Variants in DCAF1 observed in about 807,000 individuals in gnomAD.
DCAF1 encodes DDB1 and CUL4 associated factor 1, also known as DDB1- and CUL4-associated factor 1.
In DCAF1, 15 loss-of-function variants were observed where a neutral mutation model predicts 128.0. The ratio of observed to expected loss-of-function variants is 0.12; its 90% confidence interval spans 0.08 to 0.18. The LOEUF (loss-of-function observed/expected upper bound fraction) is 0.18. Ranked by LOEUF, DCAF1 falls within the 10% of genes least tolerant of loss-of-function variation. DCAF1 has a pLI of 1.00. For synonymous variants in DCAF1, 610 were observed against 603.0 expected (o/e 1.01, Z -0.17); for missense variants, 988 against 1,649.5 (o/e 0.60, Z 6.95).
At chr3:51,463,475 A>G (rs1553645395) in intron 5 of DCAF1, among the ~76,000 whole-genome samples, 1 of 152,164 alleles carries the variant, frequency 6.6e-6, no homozygotes, top group East Asian at 1.9e-4. Flanking sequence ...AAAACAACTC[A>G]GCAATCATAG....
intron 24 of DCAF1, among the ~76,000 whole-genome samples, chr3:51,402,866 C>T (rs2089830347): frequency 2.0e-5 from 3 of 152,174 alleles, no homozygotes; most frequent in African/African-American, 7.2e-5. Flanking sequence ...AGCCACCGTG[C>T]CCGGCTGCAT....
chr3:51,483,674 T>C (rs1553653941), intron 3 of DCAF1, 45 bp downstream of exon 3: 2 of 1,290,284 alleles, frequency 1.6e-6, no homozygotes, highest in Non-Finnish European at 1.1e-6. Flanking sequence ...ATGAGTTGTG[T>C]CCGAGGTTTT....
intron 6 of DCAF1, among the ~76,000 whole-genome samples, chr3:51,459,345 A>G (rs1703285469): frequency 6.6e-6 from 1 of 152,194 alleles, no homozygotes; most frequent in African/African-American, 2.4e-5. Context: ...CATCCTCCCA[A>G]GACTAAACCA....
intron 12 of DCAF1, among the ~76,000 whole-genome samples, chr3:51,428,011 T>A (rs1227038310): frequency 6.6e-6 from 1 of 152,180 alleles, no homozygotes; most frequent in Non-Finnish European, 1.5e-5. Flanking sequence ...AATTCCACAA[T>A]TCTTGAGTCA....
In DCAF1 at chr3:51,443,987, A is replaced by G. The variant is rs566422122; in HGVS notation, c.376-84T>C. ...ATAAGCAAAGATTTCAGTCTCATGAAAAAAATTTTAATATTTCAATGTTCG... is the reference window on the plus strand; with the variant it reads ...ATAAGCAAAGATTTCAGTCTCATGAGAAAAATTTTAATATTTCAATGTTCG... On this transcript the variant is annotated intron_variant, in intron 6 of 24. Coordinates refer to ENST00000684031, the MANE Select transcript of DCAF1 (RefSeq NM_001387579.1). 65 of 1,331,782 alleles carry G rather than the reference A, an allele frequency of 4.9e-5. No homozygotes were observed. The Admixed American group carries it at 9.6e-4, about 20-fold the overall frequency. 82.5% of individuals were successfully genotyped at this position (1,331,782 alleles called of 1,614,324 possible). A position where few individuals can be genotyped will look rare whatever the true frequency, so the allele number is the denominator to read the frequency against.
chr3:51,413,468 A>T (rs1418147179), intron 20 of DCAF1, 82 bp from the exon 21 acceptor site: 3 of 1,522,812 alleles, frequency 2.0e-6, no homozygotes, highest in Non-Finnish European at 2.6e-6. Flanking sequence ...TTAATGGCCA[A>T]TCAAAACAAT....
intron 6 of DCAF1, 67 bp from the exon 7 acceptor site, chr3:51,443,970 A>G: frequency 1.4e-6 from 2 of 1,463,210 alleles, no homozygotes; most frequent in Non-Finnish European, 1.8e-6. Flanking sequence ...CAATAAGCAA[A>G]GATTTCAGTC....
At chr3:51,413,928 A>G (rs1340957629) in intron 20 of DCAF1, 22 bp downstream of exon 20, 1 of 1,480,982 alleles carries the variant, frequency 6.8e-7, no homozygotes, top group Non-Finnish European at 9.0e-7. Flanking sequence ...GAAAGAGAAT[A>G]ATGAAGGATA....
At chr3:51,445,366 T>G (rs1020186895) in intron 6 of DCAF1, among the ~76,000 whole-genome samples, 1 of 152,206 alleles carries the variant, frequency 6.6e-6, no homozygotes, top group South Asian at 2.1e-4. Context: ...ACTCAACATG[T>G]TTTTTAGATT....
chr3:51,405,682 G>A (rs2090053604), intron 23 of DCAF1, among the ~76,000 whole-genome samples: 1 of 152,198 alleles, frequency 6.6e-6, no homozygotes, highest in African/African-American at 2.4e-5. Context: ...CTGGGATCAT[G>A]AAGCAGAGGC....
chr3:51,406,355 A>AC (rs1161603809), intron 23 of DCAF1, among the ~76,000 whole-genome samples: 2 of 151,244 alleles, frequency 1.3e-5, no homozygotes, highest in Non-Finnish European at 2.9e-5. Flanking sequence ...AAAAAAAAAA[A>AC]AAAAAAAAAA....
chr3:51,501,272 G>A (rs1708794184), upstream of DCAF1, among the ~76,000 whole-genome samples: 1 of 152,106 alleles, frequency 6.6e-6, no homozygotes, highest in Admixed American at 6.6e-5. Flanking sequence ...ATGTTGTTGG[G>A]AAAAATGAGG....
At chr3:51,401,131 C>CAAA (rs57102954) in intron 24 of DCAF1, among the ~76,000 whole-genome samples, 4 of 67,246 alleles carry the variant, frequency 5.9e-5, no homozygotes, top group Non-Finnish European at 1.2e-4. Context: ...GACTCCATCT[C>CAAA]AAAAAAAAAA....
chr3:51,429,130 C>G lies in DCAF1; in HGVS notation c.1677+131G>C, dbSNP rs1700157905. The G allele has an allele frequency of 4.8e-5, 30 of 625,956 alleles. No individual in the cohort carries two copies. The South Asian group carries it at 5.7e-4, about 12-fold the overall frequency. The allele number at this position is 625,956 out of a possible 1,614,324, so 38.8% of individuals were successfully genotyped here. A position where few individuals can be genotyped will look rare whatever the true frequency, so the allele number is the denominator to read the frequency against. ...TTACATCCATTTTTCAATTGTTCTG[C>G]CTTCATACAGGGAAGTATACTCCAA... On this transcript the variant is annotated intron_variant, in intron 12 of 24. Coordinates refer to ENST00000684031, the MANE Select transcript of DCAF1 (RefSeq NM_001387579.1).
intron 3 of DCAF1, among the ~76,000 whole-genome samples, chr3:51,471,808 G>A (rs1464016576): frequency 2.0e-5 from 3 of 151,918 alleles, no homozygotes; most frequent in Non-Finnish European, 4.4e-5. Flanking sequence ...TGGAGGTTGC[G>A]GTGAGGCAAG....
rs782381362 is a variant in DCAF1, at chr3:51,421,003, G to A, written c.1973-6C>T. 1.5e-5 allele frequency: 24 copies of A among 1,594,840 alleles called. No homozygotes were observed. The highest frequency in any genetic ancestry group is 1.7e-6 in the Non-Finnish European group (2 of 1,170,702). On this transcript the variant is annotated splice_polypyrimidine_tract_variant and splice_region_variant and intron_variant, in intron 14 of 24. Coordinates refer to ENST00000684031, the MANE Select transcript of DCAF1 (RefSeq NM_001387579.1). ...TCCCAAAATAATGCTGATACCTAAT[G>A]GGAAAAAAAATTATGTATTATTCAC...
At chr3:51,431,463 T>C (rs1700371630) in intron 10 of DCAF1, among the ~76,000 whole-genome samples, 2 of 143,636 alleles carry the variant, frequency 1.4e-5, no homozygotes, top group South Asian at 4.3e-4. Context: ...GAGGTTGCAG[T>C]GAGCTGAGAT....
At chr3:51,428,331 C>CTT (rs35486639) in intron 12 of DCAF1, among the ~76,000 whole-genome samples, 4,521 of 110,450 alleles carry the variant, frequency 0.041, 350 homozygotes, top group African/African-American at 0.12. Flanking sequence ...CCACCATGCC[C>CTT]TTTTTTTTTT....
At chr3:51,453,743 G>A (rs1017551980) in intron 6 of DCAF1, among the ~76,000 whole-genome samples, 14 of 151,982 alleles carry the variant, frequency 9.2e-5, no homozygotes, top group African/African-American at 2.7e-4. Flanking sequence ...AGCTGAGGTC[G>A]GGAGTTTGAG....
Sources: allele counts gnomAD v4.1 joint callset (sites outside exome capture counted in the v4.1 genomes callset), GRCh38; gene constraint gnomAD v4.1.1; transcripts MANE v1.5; gene names NCBI Gene and HGNC (gene_info 2026-07-23, HGNC 2026-07-21).